Variants in RABGAP1L observed in about 807,000 individuals in gnomAD.
RABGAP1L encodes the protein RAB GTPase activating protein 1 like.
RABGAP1L carries 63 observed loss-of-function variants against 137.7 expected under a neutral mutation model. The ratio of observed to expected loss-of-function variants is 0.46; its 90% confidence interval spans 0.37 to 0.56. The LOEUF (loss-of-function observed/expected upper bound fraction) is 0.56, where lower values mean the gene tolerates loss of function less well. Among genes scored for constraint, RABGAP1L ranks in the 20% least tolerant of loss-of-function variants. The probability of loss-of-function intolerance (pLI) is 0.00; values close to 1 mark genes in which losing one functional copy is unlikely to be tolerated. For synonymous variants in RABGAP1L, 431 were observed against 433.7 expected (o/e 0.99, Z 0.08); for missense variants, 1,095 against 1,244.0 (o/e 0.88, Z 1.80).
rs1345099786 is a variant in RABGAP1L, at chr1:174,800,470, G to A, written c.2212-11362G>A. ...GAGTGCTGGAACTTCTGGGGATGGG[G>A]CATCGTCTGTTTGTGCCTCGGCTTC... On this transcript the variant is annotated intron_variant, in intron 18 of 25. Transcript: ENST00000681986. The A allele has an allele frequency of 5.2e-6, 8 of 1,550,688 alleles. No individual in the cohort carries two copies. The African/African-American group carries it at 1.1e-4, about 21-fold the overall frequency.
At chr1:174,480,896 T>C (rs1659019988) in intron 13 of RABGAP1L, among the ~76,000 whole-genome samples, 1 of 152,208 alleles carries the variant, frequency 6.6e-6, no homozygotes. Context: ...ACCCAAGAAC[T>C]GTGCCTTATA....
intron 13 of RABGAP1L, among the ~76,000 whole-genome samples, chr1:174,535,527 G>T (rs891390901): frequency 6.6e-6 from 1 of 152,158 alleles, no homozygotes; most frequent in African/African-American, 2.4e-5. Context: ...CTTTTTGCCT[G>T]CTAGGTGTTC....
intron 19 of RABGAP1L, among the ~76,000 whole-genome samples, chr1:174,874,984 C>T (rs1298708209): frequency 6.6e-6 from 1 of 152,144 alleles, no homozygotes; most frequent in African/African-American, 2.4e-5. Context: ...TGTCCCTGCT[C>T]AAGAAAATCT....
At chr1:174,925,277 G>A (rs1440214109) in intron 19 of RABGAP1L, among the ~76,000 whole-genome samples, 1 of 149,680 alleles carries the variant, frequency 6.7e-6, no homozygotes, top group Non-Finnish European at 1.5e-5. Flanking sequence ...GAACCCAGGA[G>A]GCGGAGCTTG....
intron 13 of RABGAP1L, among the ~76,000 whole-genome samples, chr1:174,444,487 A>G (rs1654512414): frequency 6.6e-6 from 1 of 151,948 alleles, no homozygotes; most frequent in Non-Finnish European, 1.5e-5. Flanking sequence ...TCTCCTCTTA[A>G]CTTTTTAAGA....
chr1:174,526,613 T>G (rs1663895080), intron 13 of RABGAP1L, among the ~76,000 whole-genome samples: 2 of 152,148 alleles, frequency 1.3e-5, no homozygotes, highest in Admixed American at 1.3e-4. Context: ...TTTTCCAGTT[T>G]GTTAGTGTAT....
At chr1:174,225,515 T>A (rs1484559660) in intron 3 of RABGAP1L, among the ~76,000 whole-genome samples, 9 of 140,936 alleles carry the variant, frequency 6.4e-5, no homozygotes, top group East Asian at 4.2e-4. Flanking sequence ...TTTTTTTTTT[T>A]AAAGCAGACA....
intron 13 of RABGAP1L, among the ~76,000 whole-genome samples, chr1:174,507,676 G>T (rs1326365101): frequency 6.6e-6 from 1 of 152,054 alleles, no homozygotes; most frequent in African/African-American, 2.4e-5. Context: ...TTTGGTGATG[G>T]TAATAAACCA....
intron 19 of RABGAP1L, among the ~76,000 whole-genome samples, chr1:174,953,713 C>A (rs1233199772): frequency 6.6e-6 from 1 of 152,174 alleles, no homozygotes; most frequent in African/African-American, 2.4e-5. Flanking sequence ...TGTGAAATCA[C>A]TGTGGAATAC....
intron 19 of RABGAP1L, among the ~76,000 whole-genome samples, chr1:174,925,859 G>GTTTTTTTTTT (rs11340680): frequency 7.8e-6 from 1 of 128,854 alleles, no homozygotes; most frequent in Non-Finnish European, 1.7e-5. Context: ...TTTGTTGTTG[G>GTTTTTTTTTT]TTTTTTTTTT....
intron 11 of RABGAP1L, among the ~76,000 whole-genome samples, chr1:174,352,891 G>A (rs982077167): frequency 2.0e-5 from 3 of 152,170 alleles, no homozygotes; most frequent in African/African-American, 7.2e-5. Flanking sequence ...TGTATTAGCA[G>A]GCAGAGACTC....
At chr1:174,295,801 G>C (rs1285503946) in intron 10 of RABGAP1L, among the ~76,000 whole-genome samples, 1 of 152,106 alleles carries the variant, frequency 6.6e-6, no homozygotes, top group East Asian at 1.9e-4. Flanking sequence ...CTATAGGTGT[G>C]AGCTACCACA....
chr1:174,451,404 A>G (rs2149258635), intron 13 of RABGAP1L, among the ~76,000 whole-genome samples: 1 of 152,358 alleles, frequency 6.6e-6, no homozygotes, highest in South Asian at 2.1e-4. Context: ...TTTTCCCCAT[A>G]GTAATTAATA....
chr1:174,963,093 C>T (rs1324711696), intron 20 of RABGAP1L, among the ~76,000 whole-genome samples: 2 of 150,270 alleles, frequency 1.3e-5, no homozygotes, highest in Admixed American at 6.6e-5. Flanking sequence ...AGCAAGACTC[C>T]GTCTCAAAAA....
In RABGAP1L at chr1:174,219,500, G is replaced by A. The variant is rs1476457811; in HGVS notation, c.138+205G>A. ...GTTTACCTTTTGATTTGGAATTTTA[G>A]GGGGAAGAATAAAAGAAGAAAAAGA... On this transcript the variant is annotated intron_variant, in intron 2 of 25. Coordinates refer to ENST00000681986, the MANE Select transcript of RABGAP1L (RefSeq NM_001366446.1). 2.6e-5 allele frequency among the ~76,000 whole-genome samples: 4 copies of A among 152,104 alleles called. No homozygotes were observed. In the East Asian group the frequency reaches 5.8e-4, roughly 22 times the overall value.
At chr1:174,534,802 A>AAAAAAAAAAAAAAAAAAAAAAAAAAAT (rs1553324953) in intron 13 of RABGAP1L, among the ~76,000 whole-genome samples, 1 of 137,266 alleles carries the variant, frequency 7.3e-6, no homozygotes, top group Non-Finnish European at 1.6e-5. Flanking sequence ...AAAAAAAAAA[A>AAAAAAAAAAAAAAAAAAAAAAAAAAAT]AATAATTAGA....
At chr1:174,897,233 CTGTT>C (rs774373089) in intron 19 of RABGAP1L, 5 of 152,054 alleles carry the variant, frequency 3.3e-5, no homozygotes, top group African/African-American at 9.7e-5. Flanking sequence ...ATTTGGCTCT[CTGTT>C]TGTCTGTTAT....
Position 174,278,749 on chromosome 1 carries a change from C to G in RABGAP1L, c.1293C>G (p.Phe431Leu). 1 of 1,581,358 alleles carries G rather than the reference C, an allele frequency of 6.3e-7. No homozygotes were observed. The highest frequency in any genetic ancestry group is 8.6e-7 in the Non-Finnish European group (1 of 1,168,866). Residue 431 changes from phenylalanine (F) to leucine (L), a missense_variant, in exon 10 of 26, where the codon TTC (phenylalanine) becomes TTG (leucine). Around this residue, in one of 4 missense-constraint regions of RABGAP1L, gnomAD observed 315 missense variants for 324.8 expected, o/e 0.97. Transcript: ENST00000681986. Reference protein sequence around the residue: ...ERFWYFSRKTFTETFFMRLKQ... With the variant: ...ERFWYFSRKTLTETFFMRLKQ... Reference sequence around the variant, plus strand: ...TTTGGTATTTCAGCAGAAAGACTTTCACAGAGACTTTCTTCATGAGATTGA... The same window carrying G: ...TTTGGTATTTCAGCAGAAAGACTTTGACAGAGACTTTCTTCATGAGATTGA...
intron 5 of RABGAP1L, among the ~76,000 whole-genome samples, chr1:174,247,058 T>C (rs1010204248): frequency 2.0e-5 from 3 of 152,210 alleles, no homozygotes; most frequent in African/African-American, 7.2e-5. Flanking sequence ...TGTATCACTC[T>C]GGCTCAGCTC....
Sources: allele counts gnomAD v4.1 joint callset (sites outside exome capture counted in the v4.1 genomes callset), GRCh38; gene constraint gnomAD v4.1.1; regional missense constraint gnomAD v4.1.1; transcripts MANE v1.5; gene names NCBI Gene and HGNC (gene_info 2026-07-23, HGNC 2026-07-21).